The following PCDHA7 variants were observed in gnomAD, a reference collection of about 807,000 sequenced individuals.
The protein encoded by PCDHA7 is protocadherin alpha-7.
In PCDHA7, 37 loss-of-function variants were observed where a neutral mutation model predicts 57.2. The observed-to-expected ratio is 0.65, with a 90% confidence interval of 0.50 to 0.85. The LOEUF (loss-of-function observed/expected upper bound fraction) is 0.85. Among genes scored for constraint, PCDHA7 ranks in the 40% least tolerant of loss-of-function variants. The probability of loss-of-function intolerance (pLI) is 0.00; values close to 1 mark genes in which losing one functional copy is unlikely to be tolerated. For synonymous variants in PCDHA7, 553 were observed against 558.8 expected (o/e 0.99, Z 0.15); for missense variants, 1,188 against 1,241.8 (o/e 0.96, Z 0.65).
intron 1 of PCDHA7, among the ~76,000 whole-genome samples, chr5:140,872,037 G>T (rs1554166004): frequency 1.3e-5 from 2 of 152,238 alleles, no homozygotes; most frequent in African/African-American, 2.4e-5. Context: ...TAAGCTCAAA[G>T]AATTCTCCCA....
At position 140,984,581 on chromosome 5, in the gene PCDHA7, C is replaced by T. The variant is rs141574202; in HGVS notation, c.2503+2018C>T. ...TCCAACTACTCCATGGCAACCTAAT[C>T]ATACTTTTCAATACATACCTCTGCA... On this transcript the variant is annotated intron_variant, in intron 3 of 3. Transcript: ENST00000525929. 4.4e-3 allele frequency among the ~76,000 whole-genome samples: 664 copies of T among 152,272 alleles called. 7 individuals carry two copies. The highest frequency in any genetic ancestry group is 0.013 in the African/African-American group (558 of 41,552).
chr5:140,884,682 A>C, intron 1 of PCDHA7: 5 of 1,546,956 alleles, frequency 3.2e-6, no homozygotes, highest in Non-Finnish European at 4.4e-6. Flanking sequence ...TATTTTAAAA[A>C]ATTGTCTTAG....
intron 1 of PCDHA7, among the ~76,000 whole-genome samples, chr5:140,903,538 C>G (rs562932214): frequency 7.9e-5 from 12 of 152,208 alleles, no homozygotes; most frequent in African/African-American, 2.6e-4. Context: ...TAAACTAGAG[C>G]AAGAAACTTT....
rs201937079 is a variant in PCDHA7 at position 140,870,716 on chromosome 5, A to G, written c.2355+33978A>G. 15 of 1,613,024 alleles carry G rather than the reference A, an allele frequency of 9.3e-6. No individual in the cohort carries two copies. The highest frequency in any genetic ancestry group is 1.2e-5 in the Non-Finnish European group (14 of 1,179,860). On this transcript the variant is annotated intron_variant, in intron 1 of 3. Coordinates refer to ENST00000525929, the MANE Select transcript of PCDHA7 (RefSeq NM_018910.3). ...CTACAGTTCCAGGTGAGCGCGCGCG[A>G]TGCGGGCGTGCCGCCTCTGAGCAGC... is the stretch of plus-strand genomic sequence containing the variant.
At chr5:140,857,705 T>C in intron 1 of PCDHA7, 1 of 1,597,138 alleles carries the variant, frequency 6.3e-7, no homozygotes, top group Non-Finnish European at 8.6e-7. Flanking sequence ...GCTGCAGGTG[T>C]TCGTGCTGGA....
At chr5:140,966,764 G>T in intron 1 of PCDHA7, 1 of 1,475,264 alleles carries the variant, frequency 6.8e-7, no homozygotes, top group Non-Finnish European at 9.0e-7. Context: ...GCGGCCAGTG[G>T]CTATGGAGCA....
intron 1 of PCDHA7, chr5:140,859,407 TA>T (rs1351466050): frequency 4.1e-6 from 1 of 244,528 alleles, no homozygotes; most frequent in African/African-American, 2.3e-5. Context: ...AGGGTTGGGT[TA>T]GATGATATAG....
chr5:140,844,335 A>G lies in PCDHA7; in HGVS notation c.2355+7597A>G, dbSNP rs1192632609. On this transcript the variant is annotated intron_variant, in intron 1 of 3. Transcript: ENST00000525929. The stretch of plus-strand genomic sequence containing the variant: ...TTCCTAATTTTATTATAAACTAGTT[A>G]AAAAGTAAAATCAAGAGGGAAGAGA... Among the ~76,000 whole-genome samples, 3 of 149,508 alleles carry G rather than the reference A, an allele frequency of 2.0e-5. No individual in the cohort carries two copies. In the South Asian group the frequency reaches 6.4e-4, roughly 32 times the overall value.
At chr5:140,940,101 G>A (rs754155361) in intron 1 of PCDHA7, among the ~76,000 whole-genome samples, 23 of 152,148 alleles carry the variant, frequency 1.5e-4, no homozygotes, top group Non-Finnish European at 3.2e-4. Flanking sequence ...AACTTTTAGC[G>A]TTATGTATTA....
intron 1 of PCDHA7, chr5:140,869,094 T>C (rs2050847018): frequency 6.3e-7 from 1 of 1,592,284 alleles, no homozygotes; most frequent in Non-Finnish European, 8.6e-7. Context: ...GGAAGCCAAT[T>C]TCGTATGCGA....
chr5:140,875,401 G>T, intron 1 of PCDHA7: 1 of 1,487,486 alleles, frequency 6.7e-7, no homozygotes, highest in Non-Finnish European at 8.9e-7. Context: ...AAGGGTGACT[G>T]CTCATAAAAT....
At position 140,843,021 on chromosome 5, in the gene PCDHA7, A is replaced by C. The variant is rs2150350261; in HGVS notation, c.2355+6283A>C. 58 of 1,595,034 alleles carry C rather than the reference A, an allele frequency of 3.6e-5. 4 individuals are homozygous for C. The East Asian group carries it at 5.1e-4, about 14-fold the overall frequency. On this transcript the variant is annotated intron_variant, in intron 1 of 3. Coordinates refer to ENST00000525929, the MANE Select transcript of PCDHA7 (RefSeq NM_018910.3). Reference sequence around the variant, plus strand: ...AATGACAACGCGCCGGCACTGCTGGAGCCTCGGGTGGGTGGCACTGGTGGC... The same window carrying C: ...AATGACAACGCGCCGGCACTGCTGGCGCCTCGGGTGGGTGGCACTGGTGGC...
chr5:141,000,379 CTCTCTCTCTCTCTCTCTA>C (rs1224441934), intron 3 of PCDHA7, among the ~76,000 whole-genome samples: 4 of 60,364 alleles, frequency 6.6e-5, no homozygotes, highest in Non-Finnish European at 9.2e-5. Flanking sequence ...CTCTCTCTCT[CTCTCTCTCTCTCTCTCTA>C]TATATATATA....
At chr5:140,897,782 T>G (rs1378743158) in intron 1 of PCDHA7, among the ~76,000 whole-genome samples, 6 of 152,182 alleles carry the variant, frequency 3.9e-5, no homozygotes, top group Admixed American at 3.9e-4. Flanking sequence ...CCACAATGGT[T>G]GAACTAGTTT....
At chr5:140,853,918 C>T in intron 1 of PCDHA7, 3 of 938,954 alleles carry the variant, frequency 3.2e-6, no homozygotes, top group Non-Finnish European at 3.9e-6. Flanking sequence ...CCTGCAATCC[C>T]AACATTTTGG....
chr5:140,964,585 T>C (rs1275209289), intron 1 of PCDHA7, among the ~76,000 whole-genome samples: 1 of 151,992 alleles, frequency 6.6e-6, no homozygotes, highest in Non-Finnish European at 1.5e-5. Flanking sequence ...GGAGGAAAGA[T>C]CACTTTTCAT....
chr5:140,871,534 T>G, intron 1 of PCDHA7: 1 of 1,514,416 alleles, frequency 6.6e-7, no homozygotes, highest in Non-Finnish European at 8.9e-7. Context: ...GAAGTGTATG[T>G]GAAATTATTT....
chr5:140,868,182 A>T (rs565452965), intron 1 of PCDHA7: 1 of 152,260 alleles, frequency 6.6e-6, no homozygotes, highest in African/African-American at 2.4e-5. Context: ...ATCTCATATT[A>T]TGCTACTATG....
intron 1 of PCDHA7, chr5:140,848,328 G>C (rs1554142059): frequency 1.2e-6 from 1 of 817,064 alleles, no homozygotes; most frequent in African/African-American, 1.7e-5. Context: ...TGTTCTCTCT[G>C]AATCCAGACA....
Sources: allele counts gnomAD v4.1 joint callset (sites outside exome capture counted in the v4.1 genomes callset), GRCh38; gene constraint gnomAD v4.1.1; transcripts MANE v1.5; gene names NCBI Gene and HGNC (gene_info 2026-07-23, HGNC 2026-07-21).